Variants in LPO observed in about 807,000 individuals in gnomAD.
LPO encodes salivary peroxidase.
Under a neutral mutation model 68.4 loss-of-function variants are expected in LPO, and 70 were observed. The observed-to-expected ratio is 1.02, with a 90% CI of 0.84 to 1.25. LPO has a LOEUF of 1.25. Among genes scored for constraint, LPO ranks in the 50% most tolerant of loss-of-function variants. The pLI is 0.00. For missense variants in LPO, 873 were observed against 908.4 expected (o/e 0.96, Z 0.50); for synonymous variants, 360 against 357.6 (o/e 1.01, Z -0.08).
intron 1 of LPO, among the ~76,000 whole-genome samples, chr17:58,242,676 T>A (rs1174199782): frequency 6.6e-6 from 1 of 152,144 alleles, no homozygotes; most frequent in Non-Finnish European, 1.5e-5. Context: ...CCCAGAGATG[T>A]TAAGTAACCT....
rs1969905083 is a variant in LPO, at chr17:58,249,057, C to T, written c.326-3C>T. 1 of 1,612,786 alleles carries T rather than the reference C, an allele frequency of 6.2e-7. No homozygotes were observed. The highest frequency in any genetic ancestry group is 1.3e-5 in the African/African-American group (1 of 74,904). Reference sequence around the variant, plus strand: ...AGTCCCTTTGGGGTCCCTTCTGTTTCAGATCCCAGCCTGGACTTGACTTCA... The same window carrying T: ...AGTCCCTTTGGGGTCCCTTCTGTTTTAGATCCCAGCCTGGACTTGACTTCA... On this transcript the variant is annotated splice_polypyrimidine_tract_variant and splice_region_variant and intron_variant, in intron 4 of 12. Transcript: ENST00000262290.
Position 58,250,447 on chromosome 17 carries a change from T to C in LPO, c.606T>C (p.Tyr202=). The change falls in exon 7 of 13, where the codon TAT becomes TAC. Residue 202 remains tyrosine, a synonymous_variant. Transcript: ENST00000262290. ...AGGTATCTAACAAGATTGTTGGCTA[T>C]CTGAATGAGGAGGGTGTTCTGGACC... ...AREVSNKIVG[Y]LNEEGVLDQN... is the part of the protein sequence containing the mutation. 1.2e-6 allele frequency: 2 copies of C among 1,614,192 alleles called. No homozygotes were observed. Among genetic ancestry groups the C allele is most frequent in the East Asian group, 2.2e-5 (1 of 44,888 alleles).
rs1182107528 is a variant in LPO, at chr17:58,250,857, C to T, written c.780+236C>T. ...ATTCCAAAGTGAACAGGACACCGCT[C>T]CTGCTCTCAAGAACAAAGGGCCAGT... On this transcript the variant is annotated intron_variant, in intron 7 of 12. Transcript: ENST00000262290. 4 of 533,692 alleles carry T rather than the reference C, an allele frequency of 7.5e-6. No homozygotes were observed. The East Asian group carries it at 1.3e-4, about 17-fold the overall frequency. 33.1% of individuals were successfully genotyped at this position (533,692 alleles called of 1,614,324 possible).
chr17:58,255,090 G>T (rs765985393), intron 9 of LPO, 119 bp downstream of exon 9: 1 of 992,152 alleles, frequency 1.0e-6, no homozygotes, highest in Non-Finnish European at 1.5e-6. Flanking sequence ...CGTTTCCCCC[G>T]GCCCCTCTGC....
chr17:58,243,868 G>T, intron 2 of LPO, 126 bp from the exon 3 acceptor site: 2 of 665,450 alleles, frequency 3.0e-6, no homozygotes, highest in South Asian at 1.7e-5. Context: ...TCCTAATCTT[G>T]ATCTCCTGCC....
At chr17:58,243,136 A>G (rs776560341) in intron 2 of LPO, 81 bp downstream of exon 2, 282 of 1,362,638 alleles carry the variant, frequency 2.1e-4, no homozygotes, top group Non-Finnish European at 2.7e-4. Flanking sequence ...ACAGAAATGT[A>G]TTCTCTCACA....
intron 4 of LPO, among the ~76,000 whole-genome samples, chr17:58,248,052 A>T (rs1335049662): frequency 3.9e-5 from 6 of 152,182 alleles, no homozygotes; most frequent in Admixed American, 1.3e-4. Context: ...ACTTGGGATA[A>T]TGTCACAGGA....
At chr17:58,243,827 C>CT (rs1262138195) in intron 2 of LPO, 167 bp from the exon 3 acceptor site, 1 of 610,876 alleles carries the variant, frequency 1.6e-6, no homozygotes, top group Non-Finnish European at 3.0e-6. Context: ...CCATTCTGTG[C>CT]TTTTTCCCCT....
Position 58,254,133 on chromosome 17 carries a change from A to ATATATAGG in LPO, c.1106-671_1106-670insGTATATAG, listed in dbSNP as rs1970017277. On this transcript the variant is annotated intron_variant, in intron 8 of 12. Coordinates refer to ENST00000262290, the MANE Select transcript of LPO (RefSeq NM_006151.3). ...CAGATAGATAGATAGATGATGATAGATATATAGATATATAGATATATAGAT... is the reference window on the plus strand; with the variant it reads ...CAGATAGATAGATAGATGATGATAGATATATAGGTATATAGATATATAGATATATAGAT... 1.2e-4 allele frequency among the ~76,000 whole-genome samples: 11 copies of ATATATAGG among 90,216 alleles called. No homozygotes were observed. The South Asian group carries it at 4.3e-3, about 35-fold the overall frequency. 59.2% of individuals were successfully genotyped at this position (90,216 alleles called of 152,430 possible).
At chr17:58,264,162 C>T (rs1167943115) in intron 9 of LPO, among the ~76,000 whole-genome samples, 1 of 152,102 alleles carries the variant, frequency 6.6e-6, no homozygotes, top group Non-Finnish European at 1.5e-5. Context: ...ACAAAGACTA[C>T]AAGAATAAAA....
At position 58,244,013 on chromosome 17, in the gene LPO, T is replaced by C; in HGVS notation, c.96T>C (p.Ser32=). Residue 32 remains serine (S), a synonymous_variant, in exon 3 of 13, where the codon TCT becomes TCC. Coordinates refer to ENST00000262290, the MANE Select transcript of LPO (RefSeq NM_006151.3). The part of the protein sequence containing the change: ...STTRAQTTRT[S]AISDTVSQAK... ...CCCAAGCGCAGACTACCAGAACCTC[T>C]GCCATCTCCGATACTGTGAGTCAGG... 1 of 1,613,642 alleles carries C rather than the reference T, an allele frequency of 6.2e-7. No individual in the cohort carries two copies. Among genetic ancestry groups the C allele is most frequent in the East Asian group, 2.2e-5 (1 of 44,858 alleles).
In LPO at chr17:58,252,285, A is replaced by T; in HGVS notation, c.884A>T (p.Glu295Val). 6.2e-7 allele frequency: 1 copy of T among 1,614,098 alleles called. No homozygotes were observed. The highest frequency in any genetic ancestry group is 1.1e-5 in the South Asian group (1 of 91,070). Residue 295 changes from glutamate (E) to valine (V), a missense_variant, in exon 8 of 13, where the codon GAG (glutamate) becomes GTG (valine). Coordinates refer to ENST00000262290, the MANE Select transcript of LPO (RefSeq NM_006151.3). The part of the protein sequence containing the change: ...PTPPYKSLAR[E>V]QINALTSFLD... ...CCACCCTACAAGTCCCTGGCCCGAG[A>T]GCAGATCAACGCTCTGACCTCCTTC... is the stretch of plus-strand genomic sequence containing the variant.
In LPO at chr17:58,268,224, G is replaced by A. The variant is rs532535626; in HGVS notation, c.*230G>A. On this transcript the variant is annotated 3_prime_UTR_variant, in exon 13 of 13. Coordinates refer to ENST00000262290, the MANE Select transcript of LPO (RefSeq NM_006151.3). ...CTCCTTTCTGTCAAGACTTAGCCCC[G>A]CTGAGATGCCCTTCTGCTCCAGCTT... 4.6e-5 allele frequency: 25 copies of A among 548,870 alleles called. No homozygotes were observed. Among genetic ancestry groups the A allele is most frequent in the East Asian group, 9.5e-5 (3 of 31,662 alleles). 34.0% of individuals were successfully genotyped at this position (548,870 alleles called of 1,614,324 possible). A position where few individuals can be genotyped will look rare whatever the true frequency, so the allele number is the denominator to read the frequency against.
chr17:58,262,461 C>T (rs1342362659), intron 9 of LPO, among the ~76,000 whole-genome samples: 1 of 152,212 alleles, frequency 6.6e-6, no homozygotes, highest in African/African-American at 2.4e-5. Context: ...AACATCTCGA[C>T]TCACGGCAAC....
chr17:58,242,842 G>A (rs1969781659), intron 1 of LPO, 136 bp from the exon 2 acceptor site: 10 of 691,884 alleles, frequency 1.4e-5, no homozygotes, highest in East Asian at 5.1e-5. Flanking sequence ...TGCTTCATTC[G>A]TTAATGTGGT....
In LPO at chr17:58,256,843, AG is replaced by A. The variant is rs1390906580; in HGVS notation, c.1266+1873del. Among the ~76,000 whole-genome samples, 937 of 150,666 alleles carry A rather than the reference AG, an allele frequency of 6.2e-3. 5 individuals are homozygous for A. The highest frequency in any genetic ancestry group is 8.8e-3 in the Non-Finnish European group (598 of 67,684). Reference sequence around the variant, plus strand: ...CTCCCTTTCAAAAAAAAAAAAAAAAAGAATGAGGTATCCATCCTCTCAAGCA... The same window carrying A: ...CTCCCTTTCAAAAAAAAAAAAAAAAAAATGAGGTATCCATCCTCTCAAGCA... On this transcript the variant is annotated intron_variant, in intron 9 of 12. Transcript: ENST00000262290.
At chr17:58,238,977 G>A (rs1567814510) in intron 1 of LPO, among the ~76,000 whole-genome samples, 1 of 152,086 alleles carries the variant, frequency 6.6e-6, no homozygotes, top group Admixed American at 6.5e-5. Flanking sequence ...AACTATGTCA[G>A]AGAATCATAA....
chr17:58,244,088 GAGACACACACACACAC>G lies in LPO; in HGVS notation c.164+9_164+24del. The G allele has an allele frequency of 4.8e-6, 7 of 1,454,500 alleles. No homozygotes were observed. The highest frequency in any genetic ancestry group is 1.2e-5 in the South Asian group (1 of 86,900). The allele number at this position is 1,454,500 out of a possible 1,614,324, so 90.1% of individuals were successfully genotyped here. A position where few individuals can be genotyped will look rare whatever the true frequency, so the allele number is the denominator to read the frequency against. On this transcript the variant is annotated splice_region_variant and intron_variant, in intron 3 of 12. Transcript: ENST00000262290. ...TCCTGGACTCCCGAACCAGGTACGT[GAGACACACACACACAC>G]ACACACACACACACACACACACACA...
chr17:58,252,295 C>G lies in LPO; in HGVS notation c.894C>G (p.Asn298Lys). Reference sequence around the variant, plus strand: ...AGTCCCTGGCCCGAGAGCAGATCAACGCTCTGACCTCCTTCCTGGATGCCA... The same window carrying G: ...AGTCCCTGGCCCGAGAGCAGATCAAGGCTCTGACCTCCTTCCTGGATGCCA... The part of the protein sequence containing the change: ...PYKSLAREQI[N>K]ALTSFLDASF... Residue 298 changes from asparagine (N) to lysine (K), a missense_variant, in exon 8 of 13, where the codon AAC (asparagine) becomes AAG (lysine). Coordinates refer to ENST00000262290, the MANE Select transcript of LPO (RefSeq NM_006151.3). 6.2e-7 allele frequency: 1 copy of G among 1,614,246 alleles called. No homozygotes were observed.
Sources: allele counts gnomAD v4.1 joint callset (sites outside exome capture counted in the v4.1 genomes callset), GRCh38; gene constraint gnomAD v4.1.1; transcripts MANE v1.5; gene names NCBI Gene and HGNC (gene_info 2026-07-23, HGNC 2026-07-21).